The following ASXL3 variants were observed in gnomAD, a reference collection of about 807,000 sequenced individuals.
The protein encoded by ASXL3 is ASXL transcriptional regulator 3, also known as putative Polycomb group protein ASXL3.
A neutral mutation model predicts 170.6 loss-of-function variants in ASXL3; 34 were observed. The ratio of observed to expected loss-of-function variants is 0.20; its 90% CI spans 0.15 to 0.27. The LOEUF (loss-of-function observed/expected upper bound fraction) is 0.27, where lower values mean the gene tolerates loss of function less well. Among genes scored for constraint, ASXL3 ranks in the 10% least tolerant of loss-of-function variants. The probability of loss-of-function intolerance (pLI) is 1.00; values close to 1 mark genes in which losing one functional copy is unlikely to be tolerated. For missense variants in ASXL3, 2,592 were observed against 2,695.3 expected (o/e 0.96, Z 0.85); for synonymous variants, 1,002 against 989.1 (o/e 1.01, Z -0.24).
intron 8 of ASXL3, among the ~76,000 whole-genome samples, chr18:33,717,307 CATG>C (rs1163557402): frequency 6.6e-6 from 1 of 152,084 alleles, no homozygotes; most frequent in Non-Finnish European, 1.5e-5. Flanking sequence ...TCTTAAATAT[CATG>C]ATATCTGTGT....
chr18:33,743,606 C>T lies in ASXL3; in HGVS notation c.3758C>T (p.Pro1253Leu), dbSNP rs2067706531. 1 of 1,613,372 alleles carries T rather than the reference C, an allele frequency of 6.2e-7. No individual in the cohort carries two copies. The highest frequency in any genetic ancestry group is 8.5e-7 in the Non-Finnish European group (1 of 1,179,860). Residue 1253 changes from proline to leucine, a missense_variant, in exon 12 of 12, where the codon CCC (proline) becomes CTC (leucine). Transcript: ENST00000269197. Reference protein sequence around the residue: ...TAISGAIKEHPFVSSVDKSSV... With the variant: ...TAISGAIKEHLFVSSVDKSSV... ...ATATCGGGAGCAATTAAAGAACATC[C>T]CTTTGTGAGTTCTGTTGATAAATCC... is the stretch of plus-strand genomic sequence containing the variant.
intron 8 of ASXL3, among the ~76,000 whole-genome samples, chr18:33,689,761 C>T (rs1419992535): frequency 6.6e-6 from 1 of 152,128 alleles, no homozygotes; most frequent in African/African-American, 2.4e-5. Context: ...TGTAAACTTG[C>T]TCCTTTCCCT....
chr18:33,593,895 TC>T (rs1354591862), intron 1 of ASXL3, among the ~76,000 whole-genome samples: 1 of 152,126 alleles, frequency 6.6e-6, no homozygotes, highest in Non-Finnish European at 1.5e-5. Flanking sequence ...CAAAACAAAA[TC>T]TCCCATCTTT....
chr18:33,586,613 T>C (rs1424955507), intron 1 of ASXL3, among the ~76,000 whole-genome samples: 2 of 152,078 alleles, frequency 1.3e-5, no homozygotes, highest in African/African-American at 4.8e-5. Context: ...GTTGCCCCTT[T>C]AGTGTTGGTG....
intron 9 of ASXL3, among the ~76,000 whole-genome samples, chr18:33,732,722 G>T (rs1229684681): frequency 6.6e-6 from 1 of 151,998 alleles, no homozygotes; most frequent in East Asian, 1.9e-4. Context: ...AGGCATGGTG[G>T]TGCATACCTA....
intron 8 of ASXL3, among the ~76,000 whole-genome samples, chr18:33,693,185 G>A (rs979796521): frequency 6.6e-6 from 1 of 152,184 alleles, no homozygotes; most frequent in African/African-American, 2.4e-5. Context: ...TAGGGGAGAA[G>A]GAGGTGCTGA....
At chr18:33,689,007 T>TC (rs974192160) in intron 8 of ASXL3, among the ~76,000 whole-genome samples, 1 of 151,928 alleles carries the variant, frequency 6.6e-6, no homozygotes, top group Non-Finnish European at 1.5e-5. Flanking sequence ...TTTTATCTTT[T>TC]TTTTTTGATG....
chr18:33,671,214 T>G (rs1263241410), intron 6 of ASXL3, among the ~76,000 whole-genome samples: 1 of 152,188 alleles, frequency 6.6e-6, no homozygotes, highest in African/African-American at 2.4e-5. Flanking sequence ...TTAGTTTTTG[T>G]GTTCTGGCAG....
chr18:33,667,946 T>C (rs2145247695), intron 5 of ASXL3, among the ~76,000 whole-genome samples: 1 of 152,274 alleles, frequency 6.6e-6, no homozygotes, highest in South Asian at 2.1e-4. Flanking sequence ...CAAAAAATGA[T>C]ATTTGTTGAG....
intron 8 of ASXL3, among the ~76,000 whole-genome samples, chr18:33,689,003 C>CT (rs11370465): frequency 0.56 from 84,145 of 149,456 alleles, 24,076 homozygotes; most frequent in East Asian, 0.9. Context: ...TTCTTTTTAT[C>CT]TTTTTTTTTT....
At chr18:33,595,806 G>T (rs1027956199) in intron 1 of ASXL3, among the ~76,000 whole-genome samples, 15 of 152,166 alleles carry the variant, frequency 9.9e-5, no homozygotes, top group African/African-American at 3.4e-4. Context: ...TTAATGATTG[G>T]CTCTCCCTGT....
rs150752638 is a variant in ASXL3, at chr18:33,581,472, AGT to A, written c.54+2815_54+2816del. Among the ~76,000 whole-genome samples the A allele has an allele frequency of 4.9e-3, 713 of 144,598 alleles. 1 individual carries two copies. The highest frequency in any genetic ancestry group is 0.017 in the Middle Eastern group (5 of 290). 94.9% of individuals were successfully genotyped at this position (144,598 alleles called of 152,430 possible). ...TATATATATCTTTCTTGCTGGAGTG[AGT>A]GTGTGTGTGTGTGTGTGTGTGTGTG... is the stretch of plus-strand genomic sequence containing the variant. On this transcript the variant is annotated intron_variant, in intron 1 of 11. Coordinates refer to ENST00000269197, the MANE Select transcript of ASXL3 (RefSeq NM_030632.3).
chr18:33,702,886 A>G (rs1320357393), intron 8 of ASXL3, among the ~76,000 whole-genome samples: 5 of 152,252 alleles, frequency 3.3e-5, no homozygotes, highest in African/African-American at 9.6e-5. Flanking sequence ...ACTGCTCAAG[A>G]TTTTATAATC....
chr18:33,616,398 CTGTGTGTG>C lies in ASXL3; in HGVS notation c.137+8746_137+8753del, dbSNP rs34006188. ...GAAATTCAAGGACTGTTGTGTGTGC[CTGTGTGTG>C]TGTGTGTGTGTGTGTGTGTGTGTAC... On this transcript the variant is annotated intron_variant, in intron 2 of 11. Coordinates refer to ENST00000269197, the MANE Select transcript of ASXL3 (RefSeq NM_030632.3). Among the ~76,000 whole-genome samples the C allele has an allele frequency of 3.4e-3, 502 of 149,638 alleles. 2 individuals are homozygous for C. Among genetic ancestry groups the C allele is most frequent in the African/African-American group, 0.011 (470 of 41,012 alleles).
chr18:33,597,072 C>T (rs1261119943), intron 1 of ASXL3, among the ~76,000 whole-genome samples: 2 of 152,170 alleles, frequency 1.3e-5, no homozygotes. Context: ...GCCTTGGCCT[C>T]CCAGTGTGCT....
In ASXL3 at chr18:33,578,567, C is replaced by G; in HGVS notation, c.-65C>G. On this transcript the variant is annotated 5_prime_UTR_variant, in exon 1 of 12. Coordinates refer to ENST00000269197, the MANE Select transcript of ASXL3 (RefSeq NM_030632.3). ...GGGTCACTGGGTCATTGTCTCCGCG[C>G]CCGAACCCCGAGCACCCCGTGGAAT... The G allele has an allele frequency of 3.7e-6, 4 of 1,078,488 alleles. No individual in the cohort carries two copies. The highest frequency in any genetic ancestry group is 4.8e-6 in the Non-Finnish European group (4 of 833,072). The allele number at this position is 1,078,488 out of a possible 1,614,324, so 66.8% of individuals were successfully genotyped here.
rs1319880743 is a variant in ASXL3, at chr18:33,746,921, T to C, written c.*326T>C. The C allele has an allele frequency of 8.9e-6, 2 of 224,254 alleles. No individual in the cohort carries two copies. The highest frequency in any genetic ancestry group is 8.7e-6 in the Non-Finnish European group (1 of 115,552). 13.9% of individuals were successfully genotyped at this position (224,254 alleles called of 1,614,324 possible). A position where few individuals can be genotyped will look rare whatever the true frequency, so the allele number is the denominator to read the frequency against. ...GTAGATAGGAAAAGGACATTTTTAA[T>C]TACTTAATAACCGGAAATGCAGATG... On this transcript the variant is annotated 3_prime_UTR_variant, in exon 12 of 12. Transcript: ENST00000269197.
intron 7 of ASXL3, 59 bp from the exon 8 acceptor site, chr18:33,683,346 G>A (rs1322061791): frequency 1.4e-5 from 21 of 1,451,918 alleles, no homozygotes; most frequent in East Asian, 2.3e-5. Context: ...TTGTGTGTAC[G>A]TACGTACACG....
intron 7 of ASXL3, among the ~76,000 whole-genome samples, chr18:33,678,570 A>G (rs2066466110): frequency 6.6e-6 from 1 of 152,206 alleles, no homozygotes; most frequent in Non-Finnish European, 1.5e-5. Context: ...CATGATTTTT[A>G]TCATGAGATC....
Sources: allele counts gnomAD v4.1 joint callset (sites outside exome capture counted in the v4.1 genomes callset), GRCh38; gene constraint gnomAD v4.1.1; transcripts MANE v1.5; gene names NCBI Gene and HGNC (gene_info 2026-07-23, HGNC 2026-07-21).